ACTR3: variants seen among roughly 807,000 people sequenced by gnomAD.
ACTR3 encodes the protein actin-related protein 3.
In ACTR3, 12 loss-of-function variants were observed where a neutral mutation model predicts 56.8. That is an observed-to-expected ratio of 0.21 (90% CI 0.14 to 0.34). The LOEUF (loss-of-function observed/expected upper bound fraction) is 0.34, where lower values mean the gene tolerates loss of function less well. ACTR3 is among the 10% of genes least tolerant of loss of function. ACTR3 has a pLI of 1.00. For missense variants in ACTR3, 282 were observed against 512.5 expected (o/e 0.55, Z 4.34); for synonymous variants, 162 against 167.4 (o/e 0.97, Z 0.25).
At chr2:113,954,777 AC>A (rs1351387810) in intron 10 of ACTR3, 2 of 151,590 alleles carry the variant, frequency 1.3e-5, no homozygotes, top group African/African-American at 4.9e-5. Flanking sequence ...TCTTCAAGAC[AC>A]CCTTGTCTTA....
chr2:113,928,929 T>A (rs994283775), intron 4 of ACTR3, among the ~76,000 whole-genome samples: 1 of 152,174 alleles, frequency 6.6e-6, no homozygotes, highest in African/African-American at 2.4e-5. Context: ...TGAGATTAGC[T>A]TTGCCCATGT....
At chr2:113,954,012 G>A (rs2104631398) in intron 10 of ACTR3, 1 of 152,258 alleles carries the variant, frequency 6.6e-6, no homozygotes, top group East Asian at 1.9e-4. Flanking sequence ...TTTTTGAAGA[G>A]TACAGCCATT....
In ACTR3 at chr2:113,959,398, C is replaced by G. The variant is rs1680282015; in HGVS notation, c.*1943C>G. The stretch of plus-strand genomic sequence containing the variant: ...ATTGTTAGCATTGTCATAAATATGT[C>G]TTTTCCACCGGCGATGGTTGGGTAG... On this transcript the variant is annotated 3_prime_UTR_variant, in exon 12 of 12. Transcript: ENST00000263238. 1 of 152,006 alleles carries G rather than the reference C, an allele frequency of 6.6e-6. No homozygotes were observed. Among genetic ancestry groups the G allele is most frequent in the Non-Finnish European group, 1.5e-5 (1 of 67,932 alleles). 9.4% of individuals were successfully genotyped at this position (152,006 alleles called of 1,614,324 possible). A position where few individuals can be genotyped will look rare whatever the true frequency, so the allele number is the denominator to read the frequency against.
Position 113,945,952 on chromosome 2 carries a change from T to C in ACTR3, c.858+3593T>C, listed in dbSNP as rs182539329. Among the ~76,000 whole-genome samples the C allele has an allele frequency of 9.2e-5, 14 of 152,374 alleles. No homozygotes were observed. The East Asian group carries it at 2.7e-3, about 29-fold the overall frequency. On this transcript the variant is annotated intron_variant, in intron 8 of 11. Transcript: ENST00000263238. Reference sequence around the variant, plus strand: ...GGATAATGGCCCCCAGCTCCATGCATGTTCCTGCAAAGAACATGACCTCAT... The same window carrying C: ...GGATAATGGCCCCCAGCTCCATGCACGTTCCTGCAAAGAACATGACCTCAT...
At chr2:113,926,225 C>T (rs1408955534) in intron 3 of ACTR3, among the ~76,000 whole-genome samples, 1 of 152,164 alleles carries the variant, frequency 6.6e-6, no homozygotes, top group African/African-American at 2.4e-5. Context: ...CCAGCAACTG[C>T]TGACAAACCA....
At chr2:113,935,759 T>C (rs1033840722) in intron 6 of ACTR3, among the ~76,000 whole-genome samples, 3 of 152,152 alleles carry the variant, frequency 2.0e-5, no homozygotes, top group African/African-American at 4.8e-5. Flanking sequence ...GTGATAAATA[T>C]TATATTTTTC....
intron 1 of ACTR3, 181 bp downstream of exon 1, chr2:113,890,504 C>T (rs6743651): frequency 0.076 from 101,806 of 1,337,580 alleles, 7,097 homozygotes; most frequent in East Asian, 0.38. Flanking sequence ...CCTCGTTTCT[C>T]CCTCCTGGGA....
At chr2:113,918,736 T>C (rs899748615) in intron 3 of ACTR3, among the ~76,000 whole-genome samples, 1 of 152,200 alleles carries the variant, frequency 6.6e-6, no homozygotes, top group Non-Finnish European at 1.5e-5. Context: ...TGTTATACTC[T>C]AGTGCTTTGA....
At position 113,959,065 on chromosome 2, in the gene ACTR3, A is replaced by G. The variant is rs1680276321; in HGVS notation, c.*1610A>G. The G allele has an allele frequency of 6.6e-6, 1 of 151,942 alleles. No individual in the cohort carries two copies. Among genetic ancestry groups the G allele is most frequent in the Non-Finnish European group, 1.5e-5 (1 of 67,872 alleles). 9.4% of individuals were successfully genotyped at this position (151,942 alleles called of 1,614,324 possible). A position where few individuals can be genotyped will look rare whatever the true frequency, so the allele number is the denominator to read the frequency against. ...TCAGTATCAAAGGTCTCCTTTTTTT[A>G]CTTGGAAAAGTAATTCACAAACATT... On this transcript the variant is annotated 3_prime_UTR_variant, in exon 12 of 12. Transcript: ENST00000263238.
chr2:113,920,775 T>C (rs1206530208), intron 3 of ACTR3, among the ~76,000 whole-genome samples: 1 of 152,206 alleles, frequency 6.6e-6, no homozygotes, highest in Non-Finnish European at 1.5e-5. Flanking sequence ...TTATTTCACT[T>C]AATGTCCTTT....
At position 113,961,411 on chromosome 2, in the gene ACTR3, C is replaced by T. The variant is rs1219844210; in HGVS notation, c.*3956C>T. The T allele has an allele frequency of 6.6e-6, 1 of 151,670 alleles. No individual in the cohort carries two copies. Among genetic ancestry groups the T allele is most frequent in the African/African-American group, 2.4e-5 (1 of 41,368 alleles). The allele number at this position is 151,670 out of a possible 1,614,324, so 9.4% of individuals were successfully genotyped here. Reference sequence around the variant, plus strand: ...GAAATACGTGATCTAGGAAAGAAGGCAACTGAAAAACCTGAAAGAAAAAAA... The same window carrying T: ...GAAATACGTGATCTAGGAAAGAAGGTAACTGAAAAACCTGAAAGAAAAAAA... On this transcript the variant is annotated 3_prime_UTR_variant, in exon 12 of 12. Coordinates refer to ENST00000263238, the MANE Select transcript of ACTR3 (RefSeq NM_005721.5).
chr2:113,926,804 A>G (rs1679629275), intron 3 of ACTR3, among the ~76,000 whole-genome samples: 1 of 152,246 alleles, frequency 6.6e-6, no homozygotes, highest in Non-Finnish European at 1.5e-5. Flanking sequence ...CATCCAAATC[A>G]TAGTAGGTAT....
chr2:113,938,326 G>A (rs1027274579), intron 6 of ACTR3, among the ~76,000 whole-genome samples: 1 of 151,904 alleles, frequency 6.6e-6, no homozygotes, highest in Admixed American at 6.6e-5. Flanking sequence ...TCCTCGTTAA[G>A]TGTTGTGTTT....
rs1371029005 is a variant in ACTR3, at chr2:113,941,082, G to A, written c.684+980G>A. On this transcript the variant is annotated intron_variant, in intron 7 of 11. Transcript: ENST00000263238. Reference sequence around the variant, plus strand: ...TCCTGCTTCGGAATCTCAAAGTGCTGGATGTGAGTCACCATGCCTGGGCCT... The same window carrying A: ...TCCTGCTTCGGAATCTCAAAGTGCTAGATGTGAGTCACCATGCCTGGGCCT... Among the ~76,000 whole-genome samples, 9 of 152,058 alleles carry A rather than the reference G, an allele frequency of 5.9e-5. 1 individual carries two copies. The highest frequency in any genetic ancestry group is 1.3e-4 in the Non-Finnish European group (9 of 68,026).
intron 5 of ACTR3, 57 bp from the exon 6 acceptor site, chr2:113,934,220 CTT>C (rs1559479988): frequency 2.7e-6 from 3 of 1,094,792 alleles, no homozygotes; most frequent in South Asian, 1.5e-5. Flanking sequence ...TCGATTAACT[CTT>C]TGTTTTTTTG....
intron 1 of ACTR3, among the ~76,000 whole-genome samples, chr2:113,907,467 G>A (rs1428663138): frequency 6.6e-6 from 1 of 152,018 alleles, no homozygotes; most frequent in Non-Finnish European, 1.5e-5. Flanking sequence ...TGCCCAGGCT[G>A]GTGTTCACCT....
chr2:113,947,809 C>G (rs1316141573), intron 8 of ACTR3, among the ~76,000 whole-genome samples: 1 of 151,980 alleles, frequency 6.6e-6, no homozygotes, highest in East Asian at 1.9e-4. Flanking sequence ...TTTCATACAC[C>G]AATTTTTCTT....
chr2:113,925,817 G>A (rs1679609396), intron 3 of ACTR3, among the ~76,000 whole-genome samples: 1 of 152,090 alleles, frequency 6.6e-6, no homozygotes, highest in African/African-American at 2.4e-5. Context: ...AGATGTTAGG[G>A]ATTGATACTG....
chr2:113,962,127 C>G lies in ACTR3; in HGVS notation c.*4672C>G, dbSNP rs1326850310. On this transcript the variant is annotated 3_prime_UTR_variant, in exon 12 of 12. Coordinates refer to ENST00000263238, the MANE Select transcript of ACTR3 (RefSeq NM_005721.5). ...GTTCCTTCAAAATACCCATATTTGT[C>G]AAATATGACCGAATTACGACTTTTT... The G allele has an allele frequency of 6.6e-6, 1 of 151,936 alleles. No individual in the cohort carries two copies. The allele number at this position is 151,936 out of a possible 1,614,324, so 9.4% of individuals were successfully genotyped here.
Sources: allele counts gnomAD v4.1 joint callset (sites outside exome capture counted in the v4.1 genomes callset), GRCh38; gene constraint gnomAD v4.1.1; transcripts MANE v1.5; gene names NCBI Gene and HGNC (gene_info 2026-07-23, HGNC 2026-07-21).